RBFOX1: variants seen among roughly 807,000 people sequenced by gnomAD.
RBFOX1 encodes the protein RNA binding fox-1 homolog 1.
A neutral mutation model predicts 57.7 loss-of-function variants in RBFOX1; 8 were observed. That is an observed-to-expected ratio of 0.14 (90% CI 0.08 to 0.25). The LOEUF is 0.25. Among genes scored for constraint, RBFOX1 ranks in the 10% least tolerant of loss-of-function variants. The probability of loss-of-function intolerance (pLI) is 1.00; values close to 1 mark genes in which losing one functional copy is unlikely to be tolerated. For synonymous variants in RBFOX1, 326 were observed against 222.4 expected (o/e 1.47, Z -4.15); for missense variants, 611 against 548.5 (o/e 1.11, Z -1.14).
intron 4 of RBFOX1, among the ~76,000 whole-genome samples, chr16:7,131,986 C>G (rs912111474): frequency 3.1e-5 from 4 of 129,812 alleles, no homozygotes; most frequent in African/African-American, 1.1e-4. Context: ...GACTAGAGTC[C>G]TTTTTTTCTT....
chr16:6,873,961 C>T (rs956303541), intron 3 of RBFOX1: 9 of 152,126 alleles, frequency 5.9e-5, no homozygotes, highest in Non-Finnish European at 8.8e-5. Context: ...AGCGTGACCC[C>T]TGCACAACGA....
intron 1 of RBFOX1, among the ~76,000 whole-genome samples, chr16:5,336,594 A>G (rs1007363569): frequency 1.3e-5 from 2 of 152,188 alleles, no homozygotes; most frequent in African/African-American, 4.8e-5. Context: ...GTGCAGGGGC[A>G]GGAGAACCTC....
chr16:7,604,046 C>G (rs184002711), intron 9 of RBFOX1, among the ~76,000 whole-genome samples: 6 of 152,170 alleles, frequency 3.9e-5, no homozygotes, highest in East Asian at 1.9e-4. Flanking sequence ...AAGGACTTTT[C>G]AAGTTTTAAC....
At chr16:5,984,838 G>T (rs1176130487) in intron 4 of RBFOX1, among the ~76,000 whole-genome samples, 1 of 151,126 alleles carries the variant, frequency 6.6e-6, no homozygotes, top group Non-Finnish European at 1.5e-5. Flanking sequence ...AATACTGTAG[G>T]CAGTTGGAAC....
At chr16:7,326,117 A>C (rs2096608319) in intron 4 of RBFOX1, among the ~76,000 whole-genome samples, 1 of 152,192 alleles carries the variant, frequency 6.6e-6, no homozygotes, top group Non-Finnish European at 1.5e-5. Flanking sequence ...CTCATCCCAC[A>C]GGTAACAGAT....
At chr16:5,517,874 TG>T (rs2043851566) in intron 2 of RBFOX1, among the ~76,000 whole-genome samples, 1 of 151,932 alleles carries the variant, frequency 6.6e-6, no homozygotes, top group African/African-American at 2.4e-5. Context: ...GTACATATAC[TG>T]GCTTTTACAC....
At chr16:6,931,569 C>T (rs1377520970) in intron 3 of RBFOX1, among the ~76,000 whole-genome samples, 1 of 152,138 alleles carries the variant, frequency 6.6e-6, no homozygotes, top group Non-Finnish European at 1.5e-5. Context: ...AATTCACACT[C>T]TTGCCACCCT....
At position 6,814,341 on chromosome 16, in the gene RBFOX1, G is replaced by C. The variant is rs116960152; in HGVS notation, c.-16+159691G>C. On this transcript the variant is annotated intron_variant, in intron 3 of 15. Transcript: ENST00000550418. Reference sequence around the variant, plus strand: ...GAAAGTTGATTAAGACATAGCTCCTGATCATGTCCTAAGTGTTTCCATTTC... The same window carrying C: ...GAAAGTTGATTAAGACATAGCTCCTCATCATGTCCTAAGTGTTTCCATTTC... Among the ~76,000 whole-genome samples the C allele has an allele frequency of 9.5e-3, 1,445 of 152,154 alleles. 15 individuals are homozygous for C. Among genetic ancestry groups the C allele is most frequent in the Middle Eastern group, 0.024 (7 of 292 alleles).
At chr16:5,635,038 A>G (rs938665856) in intron 3 of RBFOX1, among the ~76,000 whole-genome samples, 1 of 152,172 alleles carries the variant, frequency 6.6e-6, no homozygotes, top group Non-Finnish European at 1.5e-5. Flanking sequence ...CTCAGAGTCT[A>G]TTACTAAAAT....
At chr16:6,745,729 G>A (rs749177156) in intron 3 of RBFOX1, among the ~76,000 whole-genome samples, 1 of 152,138 alleles carries the variant, frequency 6.6e-6, no homozygotes, top group Non-Finnish European at 1.5e-5. Flanking sequence ...CCAAGATTGG[G>A]AACAAAGCAA....
chr16:6,865,190 A>G (rs2059710055), intron 3 of RBFOX1, among the ~76,000 whole-genome samples: 1 of 151,472 alleles, frequency 6.6e-6, no homozygotes, highest in African/African-American at 2.4e-5. Context: ...TTTAGTAGAG[A>G]TGGGGTTTTG....
rs768827702 is a variant in RBFOX1 at position 5,443,494 on chromosome 16, C to T, written c.220-23722C>T. Among the ~76,000 whole-genome samples the T allele has an allele frequency of 1.5e-4, 23 of 152,278 alleles. No individual in the cohort carries two copies. The South Asian group carries it at 2.3e-3, about 15-fold the overall frequency. ...CTGGGATTACAGGCACACGCCACCA[C>T]GCCCAGCTAATATTTTTGTATTTTT... On this transcript the variant is annotated intron_variant, in intron 1 of 2. Coordinates refer to the RBFOX1 transcript ENST00000585867.
At chr16:5,347,188 T>A (rs1208884601) in intron 1 of RBFOX1, among the ~76,000 whole-genome samples, 1 of 152,194 alleles carries the variant, frequency 6.6e-6, no homozygotes, top group East Asian at 1.9e-4. Context: ...TGTCATCTTA[T>A]ATACTATATG....
intron 1 of RBFOX1, among the ~76,000 whole-genome samples, chr16:6,301,074 C>T (rs2078766021): frequency 1.3e-5 from 2 of 151,534 alleles, no homozygotes; most frequent in African/African-American, 4.8e-5. Context: ...TATGAGTTGT[C>T]ATTGAAAAAA....
intron 3 of RBFOX1, among the ~76,000 whole-genome samples, chr16:6,752,458 G>A (rs2075098965): frequency 6.6e-6 from 1 of 152,166 alleles, no homozygotes; most frequent in Non-Finnish European, 1.5e-5. Context: ...ATTTAGAGAT[G>A]GAATATGACA....
At chr16:5,772,857 T>C (rs1479591184) in intron 3 of RBFOX1, among the ~76,000 whole-genome samples, 1 of 152,000 alleles carries the variant, frequency 6.6e-6, no homozygotes, top group Non-Finnish European at 1.5e-5. Flanking sequence ...AGTTACAGTT[T>C]TAAATAAGAG....
intron 1 of RBFOX1, among the ~76,000 whole-genome samples, chr16:6,264,944 T>C (rs1024448123): frequency 3.3e-5 from 5 of 152,210 alleles, no homozygotes; most frequent in African/African-American, 9.6e-5. Flanking sequence ...CTCCGAGTTC[T>C]GTGTGTGGGA....
intron 1 of RBFOX1, chr16:5,366,331 T>TTGA (rs1333970023): frequency 3.3e-5 from 12 of 363,350 alleles, no homozygotes; most frequent in Non-Finnish European, 6.4e-5. Context: ...GATGATGATT[T>TTGA]TGATGATGAT....
At chr16:6,778,076 A>C (rs779185662) in intron 3 of RBFOX1, among the ~76,000 whole-genome samples, 1 of 152,154 alleles carries the variant, frequency 6.6e-6, no homozygotes, top group Non-Finnish European at 1.5e-5. Context: ...CGGAATAACA[A>C]ATAGATTGAA....
Sources: allele counts gnomAD v4.1 joint callset (sites outside exome capture counted in the v4.1 genomes callset), GRCh38; gene constraint gnomAD v4.1.1; transcripts MANE v1.5; gene names NCBI Gene and HGNC (gene_info 2026-07-23, HGNC 2026-07-21).